The following PCTP variants were observed in gnomAD, a reference collection of about 807,000 sequenced individuals.
PCTP encodes phosphatidylcholine transfer protein, also known as START domain-containing protein 2.
PCTP carries 27 observed loss-of-function variants against 31.0 expected under a neutral mutation model. The ratio of observed to expected loss-of-function variants is 0.87; its 90% CI spans 0.64 to 1.20. The LOEUF is 1.20. Ranked by LOEUF, PCTP falls within the 50% of genes most tolerant of loss-of-function variation. The pLI is 0.00. For synonymous variants in PCTP, 108 were observed against 101.2 expected (o/e 1.07, Z -0.40); for missense variants, 287 against 268.2 (o/e 1.07, Z -0.49).
chr17:55,778,993 A>G (rs1362183931), downstream of PCTP, among the ~76,000 whole-genome samples: 3 of 152,126 alleles, frequency 2.0e-5, no homozygotes, highest in Admixed American at 2.0e-4. Context: ...CAGAATCCCC[A>G]TCTATAATGC....
chr17:55,805,576 A>C (rs1912547558), intron 3 of PCTP, among the ~76,000 whole-genome samples: 1 of 151,946 alleles, frequency 6.6e-6, no homozygotes, highest in Non-Finnish European at 1.5e-5. Flanking sequence ...GTGTGTAGAC[A>C]CACACACATA....
chr17:55,783,595 C>T (rs1282133124), intron 2 of PCTP, among the ~76,000 whole-genome samples: 1 of 152,176 alleles, frequency 6.6e-6, no homozygotes, highest in Non-Finnish European at 1.5e-5. Flanking sequence ...TTATGAGGGG[C>T]TGGATCTGCT....
At position 55,775,811 on chromosome 17, in the gene PCTP, T is replaced by C. The variant is rs1333336370; in HGVS notation, c.580-224T>C. The C allele has an allele frequency of 3.9e-6, 5 of 1,289,634 alleles. No individual in the cohort carries two copies. The African/African-American group carries it at 6.1e-5, about 16-fold the overall frequency. 79.9% of individuals were successfully genotyped at this position (1,289,634 alleles called of 1,614,324 possible). ...CGCTTTTTCCTAGAAAAAGCTAACA[T>C]ATAAGGCCTTTTTGCAACAGAAGTT... On this transcript the variant is annotated intron_variant, in intron 5 of 5. Coordinates refer to ENST00000268896, the MANE Select transcript of PCTP (RefSeq NM_021213.4).
At chr17:55,829,304 TTTTG>T (rs946330033) in intron 5 of PCTP, among the ~76,000 whole-genome samples, 18 of 152,126 alleles carry the variant, frequency 1.2e-4, no homozygotes, top group Non-Finnish European at 2.1e-4. Flanking sequence ...ACTGTGTGAT[TTTTG>T]TTTGTTTGTT....
chr17:55,762,494 A>C (rs1384707694), intron 1 of PCTP, among the ~76,000 whole-genome samples: 2 of 152,014 alleles, frequency 1.3e-5, no homozygotes, highest in African/African-American at 4.8e-5. Flanking sequence ...ACAGGGTTCA[A>C]ATAAAATTCA....
the PCTP span, among the ~76,000 whole-genome samples, chr17:55,852,462 A>G: frequency 6.6e-6 from 1 of 152,194 alleles, no homozygotes; most frequent in Non-Finnish European, 1.5e-5. Flanking sequence ...GAACTGCAAG[A>G]TCTCATAACT....
At chr17:55,806,786 A>G (rs1180629568) in intron 3 of PCTP, among the ~76,000 whole-genome samples, 1 of 152,156 alleles carries the variant, frequency 6.6e-6, no homozygotes, top group Non-Finnish European at 1.5e-5. Context: ...AAGTATTTAT[A>G]CAAGATTGTG....
chr17:55,777,155 TG>T lies in PCTP; in HGVS notation c.*1057del. The T allele has an allele frequency of 1.0e-6, 1 of 985,826 alleles. No homozygotes were observed. The highest frequency in any genetic ancestry group is 1.2e-6 in the Non-Finnish European group (1 of 829,890). 61.1% of individuals were successfully genotyped at this position (985,826 alleles called of 1,614,324 possible). ...GTTTTCTATGCTTTCTCCTGAATTT[TG>T]GTAGGGTAAGGTATTTCTATGTCAA... On this transcript the variant is annotated 3_prime_UTR_variant, in exon 6 of 6. Transcript: ENST00000268896.
downstream of PCTP, among the ~76,000 whole-genome samples, chr17:55,782,107 C>T (rs1489525561): frequency 6.6e-6 from 1 of 152,178 alleles, no homozygotes; most frequent in Non-Finnish European, 1.5e-5. Flanking sequence ...AGTCTGAAGG[C>T]CAGAAACACC....
At chr17:55,751,506 A>G in intron 1 of PCTP, 2 of 1,480,280 alleles carry the variant, frequency 1.4e-6, no homozygotes, top group Non-Finnish European at 1.8e-6. Flanking sequence ...TGTAGTTAGA[A>G]GTTAATGACA....
chr17:55,840,206 G>A (rs1905928778), intron 5 of PCTP, among the ~76,000 whole-genome samples: 1 of 151,954 alleles, frequency 6.6e-6, no homozygotes, highest in African/African-American at 2.4e-5. Context: ...ATGACTGAAT[G>A]GTAAATAAAA....
At chr17:55,762,012 C>G (rs943283719) in intron 1 of PCTP, among the ~76,000 whole-genome samples, 1 of 152,058 alleles carries the variant, frequency 6.6e-6, no homozygotes, top group African/African-American at 2.4e-5. Flanking sequence ...AGTGCTTTGC[C>G]GATAAGCTCT....
At chr17:55,820,495 C>A (rs889290588) in intron 3 of PCTP, among the ~76,000 whole-genome samples, 2 of 152,084 alleles carry the variant, frequency 1.3e-5, no homozygotes, top group Admixed American at 1.3e-4. Context: ...TGAATAGCTC[C>A]CTCGAACCTC....
chr17:55,840,805 T>C lies in PCTP; in HGVS notation n.506-1922T>C, dbSNP rs535959706. On this transcript the variant is annotated intron_variant and non_coding_transcript_variant, in intron 5 of 5. Coordinates refer to the PCTP transcript ENST00000576221. ...TCTGAAAATCCAAAATCTGAAATGC[T>C]CTAAAATTTGAAACTGTTTGAGTGT... is the stretch of plus-strand genomic sequence containing the variant. Among the ~76,000 whole-genome samples the C allele has an allele frequency of 1.2e-4, 19 of 152,332 alleles. 1 individual carries two copies. The South Asian group carries it at 3.7e-3, about 30-fold the overall frequency.
chr17:55,758,336 A>G (rs1037681872), intron 1 of PCTP, among the ~76,000 whole-genome samples: 2 of 152,164 alleles, frequency 1.3e-5, no homozygotes, highest in African/African-American at 4.8e-5. Flanking sequence ...CTCTTGACCT[A>G]CTAAAATTCT....
intron 3 of PCTP, among the ~76,000 whole-genome samples, chr17:55,812,938 T>G (rs544259263): frequency 6.6e-6 from 1 of 152,134 alleles, no homozygotes; most frequent in Non-Finnish European, 1.5e-5. Context: ...TCCGCAGTCA[T>G]GAGAGTTATC....
chr17:55,780,090 CTT>C (rs59816865), downstream of PCTP, among the ~76,000 whole-genome samples: 116 of 138,690 alleles, frequency 8.4e-4, no homozygotes, highest in Admixed American at 7.8e-4. Context: ...CAAGGAAGAA[CTT>C]TTTTTTTTTT....
chr17:55,832,092 A>C (rs1271248863), intron 5 of PCTP, among the ~76,000 whole-genome samples: 2 of 152,050 alleles, frequency 1.3e-5, no homozygotes, highest in East Asian at 3.9e-4. Flanking sequence ...CAAACAAACA[A>C]CAACAACAAC....
At chr17:55,811,315 A>T (rs1185804905) in intron 3 of PCTP, among the ~76,000 whole-genome samples, 1 of 152,236 alleles carries the variant, frequency 6.6e-6, no homozygotes, top group Non-Finnish European at 1.5e-5. Context: ...TAGCAAACAC[A>T]TATCTAGCAC....
Sources: gnomAD v4.1 joint callset for allele counts (sites outside exome capture counted in the v4.1 genomes callset) on GRCh38, gnomAD v4.1.1 for gene constraint, MANE v1.5 for transcripts, NCBI Gene and HGNC (gene_info 2026-07-23, HGNC 2026-07-21) for gene names.